SMIM14: variants seen among roughly 807,000 people sequenced by gnomAD.
SMIM14 encodes small integral membrane protein 14, also known as chromosome 4 open reading frame 34.
Under a neutral mutation model 12.6 loss-of-function variants are expected in SMIM14, and 5 were observed. That is an observed-to-expected ratio of 0.40 (90% CI 0.21 to 0.83). SMIM14 has a LOEUF of 0.83. Among genes scored for constraint, SMIM14 ranks in the 40% least tolerant of loss-of-function variants. The probability of loss-of-function intolerance (pLI) is 0.37; values close to 1 mark genes in which losing one functional copy is unlikely to be tolerated. For missense variants in SMIM14, 86 were observed against 119.1 expected (o/e 0.72, Z 1.29); for synonymous variants, 30 against 40.1 (o/e 0.75, Z 0.95).
chr4:39,620,843 C>T (rs1715459696), intron 1 of SMIM14, among the ~76,000 whole-genome samples: 1 of 151,890 alleles, frequency 6.6e-6, no homozygotes, highest in Non-Finnish European at 1.5e-5. Context: ...AAATGGTGTG[C>T]AAACACACAC....
intron 1 of SMIM14, among the ~76,000 whole-genome samples, chr4:39,631,486 G>A (rs944953383): frequency 5.3e-5 from 8 of 150,658 alleles, no homozygotes; most frequent in East Asian, 2.0e-4. Flanking sequence ...GTGAAACTCC[G>A]TCTCTACTAA....
chr4:39,623,310 T>A (rs529102334), intron 1 of SMIM14, among the ~76,000 whole-genome samples: 13 of 152,220 alleles, frequency 8.5e-5, no homozygotes, highest in African/African-American at 2.6e-4. Context: ...TGCTAAAAAT[T>A]TCAAATTATT....
intron 3 of SMIM14, among the ~76,000 whole-genome samples, chr4:39,569,464 C>T (rs1712770113): frequency 6.6e-6 from 1 of 152,168 alleles, no homozygotes; most frequent in Non-Finnish European, 1.5e-5. Flanking sequence ...AGAGATGTTA[C>T]GTATCAGCAA....
At position 39,638,739 on chromosome 4, in the gene SMIM14, C is replaced by A; in HGVS notation, c.-36G>T. ...TGGTGGGAGAGGGGGAGACACTCAC[C>A]CGCCCAGACAACAACCGATGGGGCG... On this transcript the variant is annotated splice_region_variant and 5_prime_UTR_variant, in exon 1 of 5. Coordinates refer to ENST00000295958, the MANE Select transcript of SMIM14 (RefSeq NM_174921.3). 2 of 985,420 alleles carry A rather than the reference C, an allele frequency of 2.0e-6. No homozygotes were observed. Among genetic ancestry groups the A allele is most frequent in the Non-Finnish European group, 2.4e-6 (2 of 829,976 alleles). The allele number at this position is 985,420 out of a possible 1,614,324, so 61.0% of individuals were successfully genotyped here. A position where few individuals can be genotyped will look rare whatever the true frequency, so the allele number is the denominator to read the frequency against.
chr4:39,634,352 A>G (rs1207061516), intron 1 of SMIM14, among the ~76,000 whole-genome samples: 2 of 152,208 alleles, frequency 1.3e-5, no homozygotes, highest in Admixed American at 6.5e-5. Flanking sequence ...GAACAAAAAC[A>G]TGGCCTCTCT....
chr4:39,617,971 G>T (rs1279574827), intron 1 of SMIM14, among the ~76,000 whole-genome samples: 2 of 152,106 alleles, frequency 1.3e-5, no homozygotes, highest in Non-Finnish European at 2.9e-5. Flanking sequence ...TTCTCCCAAG[G>T]TGCATCTGCA....
At position 39,567,558 on chromosome 4, in the gene SMIM14, G is replaced by A. The variant is rs377289272; in HGVS notation, c.124+4857C>T. Among the ~76,000 whole-genome samples the A allele has an allele frequency of 6.6e-5, 10 of 152,136 alleles. 1 individual carries two copies. In the South Asian group the frequency reaches 1.0e-3, roughly 16 times the overall value. The stretch of plus-strand genomic sequence containing the variant: ...TCGAGACCAGCCTGGCCAACATGGC[G>A]AAACCCCATCTCTACTAAAAATACA... On this transcript the variant is annotated intron_variant, in intron 3 of 4. Coordinates refer to ENST00000295958, the MANE Select transcript of SMIM14 (RefSeq NM_174921.3).
intron 1 of SMIM14, among the ~76,000 whole-genome samples, chr4:39,606,786 C>T (rs1714829370): frequency 6.6e-6 from 1 of 151,998 alleles, no homozygotes; most frequent in South Asian, 2.1e-4. Flanking sequence ...GGTGGGAAAA[C>T]CCAGACCAGA....
intron 1 of SMIM14, among the ~76,000 whole-genome samples, chr4:39,629,981 G>A (rs1285432615): frequency 6.6e-6 from 1 of 152,106 alleles, no homozygotes; most frequent in Non-Finnish European, 1.5e-5. Context: ...CTAAACTTGA[G>A]AGGTATATTA....
At chr4:39,553,978 A>G (rs1169786196) in intron 4 of SMIM14, among the ~76,000 whole-genome samples, 2 of 152,088 alleles carry the variant, frequency 1.3e-5, no homozygotes, top group African/African-American at 4.8e-5. Context: ...TTTCTATGCT[A>G]CATATCTAAA....
rs574142564 is a variant in SMIM14, at chr4:39,576,684, ATTTTTTTTTTTTTTTTTTTTTTTTT to A, written c.76-4246_76-4222del. On this transcript the variant is annotated intron_variant, in intron 2 of 4. Coordinates refer to ENST00000295958, the MANE Select transcript of SMIM14 (RefSeq NM_174921.3). ...TGTATATATATATATATATATATAT[ATTTTTTTTTTTTTTTTTTTTTTTTT>A]TTTTTTTTTTTTTTTGAGACGGAGT... Among the ~76,000 whole-genome samples, 109 of 25,548 alleles carry A rather than the reference ATTTTTTTTTTTTTTTTTTTTTTTTT, an allele frequency of 4.3e-3. 2 individuals are homozygous for A. The highest frequency in any genetic ancestry group is 0.015 in the African/African-American group (97 of 6,472). The allele number at this position is 25,548 out of a possible 152,430, so 16.8% of individuals were successfully genotyped here.
At chr4:39,585,403 T>C (rs1250313667) in intron 2 of SMIM14, among the ~76,000 whole-genome samples, 1 of 152,008 alleles carries the variant, frequency 6.6e-6, no homozygotes, top group Non-Finnish European at 1.5e-5. Flanking sequence ...TTCAAGTGAT[T>C]CTCCTGCCTC....
At chr4:39,587,579 A>G (rs1713850009) in intron 2 of SMIM14, among the ~76,000 whole-genome samples, 2 of 150,722 alleles carry the variant, frequency 1.3e-5, no homozygotes, top group Non-Finnish European at 2.9e-5. Context: ...AAAGCCAAAC[A>G]TGCTCTTCTA....
intron 2 of SMIM14, among the ~76,000 whole-genome samples, chr4:39,576,676 ATATATATATT>A (rs1713198567): frequency 6.4e-5 from 2 of 31,032 alleles, no homozygotes; most frequent in Admixed American, 5.5e-4. Context: ...ATATATATAT[ATATATATATT>A]TTTTTTTTTT....
chr4:39,574,970 A>G (rs1713091263), intron 2 of SMIM14, among the ~76,000 whole-genome samples: 2 of 152,086 alleles, frequency 1.3e-5, no homozygotes, highest in African/African-American at 4.8e-5. Flanking sequence ...TCTCATCTCT[A>G]CAAAAAAATA....
chr4:39,618,417 G>A (rs192067774), intron 1 of SMIM14, among the ~76,000 whole-genome samples: 126 of 152,164 alleles, frequency 8.3e-4, no homozygotes, highest in Admixed American at 1.8e-3. Context: ...GGGAGGCCGA[G>A]GTGGGTGGGT....
chr4:39,575,691 C>T (rs1713129447), intron 2 of SMIM14, among the ~76,000 whole-genome samples: 1 of 151,858 alleles, frequency 6.6e-6, no homozygotes, highest in Non-Finnish European at 1.5e-5. Flanking sequence ...CTCAAGCGAT[C>T]CTCCTACCTT....
intron 2 of SMIM14, among the ~76,000 whole-genome samples, chr4:39,595,336 T>A (rs959698068): frequency 7.3e-6 from 1 of 136,860 alleles, no homozygotes; most frequent in Non-Finnish European, 1.5e-5. Context: ...TTCTCACTCA[T>A]AGGTGGGAAT....
chr4:39,602,175 G>C lies in SMIM14; in HGVS notation c.75+2896C>G, dbSNP rs575003157. Among the ~76,000 whole-genome samples, 3 of 151,768 alleles carry C rather than the reference G, an allele frequency of 2.0e-5. No individual in the cohort carries two copies. The East Asian group carries it at 5.8e-4, about 29-fold the overall frequency. On this transcript the variant is annotated intron_variant, in intron 2 of 4. Transcript: ENST00000295958. ...GAGGCAGGAGGATTGCTTGAGCCTG[G>C]GAGACAGAGGTTGCAGTGCGCAGAG...
Sources: gnomAD v4.1 joint callset for allele counts (sites outside exome capture counted in the v4.1 genomes callset) on GRCh38, gnomAD v4.1.1 for gene constraint, MANE v1.5 for transcripts, NCBI Gene and HGNC (gene_info 2026-07-23, HGNC 2026-07-21) for gene names.